Variants in NBEA observed in about 807,000 individuals in gnomAD.
The protein encoded by NBEA is neurobeachin.
Under a neutral mutation model 343.4 loss-of-function variants are expected in NBEA, and 44 were observed. That is an observed-to-expected ratio of 0.13 (90% CI 0.10 to 0.16). The LOEUF (loss-of-function observed/expected upper bound fraction) is 0.16. NBEA is among the 10% of genes least tolerant of loss of function. NBEA has a pLI of 1.00. For synonymous variants in NBEA, 1,175 were observed against 1,238.7 expected (o/e 0.95, Z 1.08); for missense variants, 2,555 against 3,631.3 (o/e 0.70, Z 7.62).
chr13:35,319,895 C>A (rs1057206553), intron 36 of NBEA, among the ~76,000 whole-genome samples: 7 of 151,480 alleles, frequency 4.6e-5, no homozygotes, highest in Non-Finnish European at 1.0e-4. Context: ...TCTGTTTTAT[C>A]AGGGACTACG....
At chr13:35,182,186 A>G (rs1420919701) in intron 28 of NBEA, among the ~76,000 whole-genome samples, 174 bp from the exon 29 acceptor site, 2 of 151,176 alleles carry the variant, frequency 1.3e-5, no homozygotes, top group Non-Finnish European at 3.0e-5. Context: ...TAGGAGTTTT[A>G]TATTTATAGT....
chr13:34,952,247 C>A (rs1335554598), intron 1 of NBEA, among the ~76,000 whole-genome samples: 1 of 152,162 alleles, frequency 6.6e-6, no homozygotes, highest in Non-Finnish European at 1.5e-5. Context: ...ACCAGCCAGC[C>A]TCAGTGAGTT....
At chr13:35,522,459 A>T (rs1238098826) in intron 41 of NBEA, among the ~76,000 whole-genome samples, 2 of 141,098 alleles carry the variant, frequency 1.4e-5, no homozygotes, top group African/African-American at 5.3e-5. Context: ...TGGGCAACAA[A>T]GCAAGATACC....
chr13:35,361,084 G>T (rs141034641), intron 38 of NBEA, among the ~76,000 whole-genome samples: 282 of 151,700 alleles, frequency 1.9e-3, no homozygotes, highest in African/African-American at 6.1e-3. Context: ...TGAAAACCAA[G>T]GTAAAGAAAA....
intron 1 of NBEA, among the ~76,000 whole-genome samples, chr13:34,971,272 T>C (rs1194530420): frequency 2.0e-5 from 3 of 152,172 alleles, no homozygotes; most frequent in African/African-American, 7.2e-5. Flanking sequence ...AAGAAGCTTT[T>C]GGGCTAAGAT....
intron 39 of NBEA, among the ~76,000 whole-genome samples, chr13:35,447,767 T>C (rs532586640): frequency 6.3e-4 from 96 of 152,316 alleles, no homozygotes; most frequent in Non-Finnish European, 1.2e-3. Context: ...GTTAATTTCT[T>C]GATGAATGGC....
At chr13:35,304,930 G>T (rs927474702) in intron 35 of NBEA, among the ~76,000 whole-genome samples, 4 of 151,636 alleles carry the variant, frequency 2.6e-5, no homozygotes, top group Non-Finnish European at 4.4e-5. Context: ...AATGTTCTTG[G>T]TTTTTCAATT....
chr13:35,401,905 T>C (rs2043019535), intron 38 of NBEA, among the ~76,000 whole-genome samples: 1 of 151,984 alleles, frequency 6.6e-6, no homozygotes, highest in Non-Finnish European at 1.5e-5. Context: ...CTCCTTTATG[T>C]GAAAGAGGAA....
intron 48 of NBEA, among the ~76,000 whole-genome samples, chr13:35,609,484 TG>T (rs1449199484): frequency 6.6e-6 from 1 of 152,292 alleles, no homozygotes; most frequent in Middle Eastern, 3.4e-3. Flanking sequence ...TTTTAAAAAT[TG>T]GGGAAGTGGG....
intron 46 of NBEA, among the ~76,000 whole-genome samples, chr13:35,587,368 A>T (rs1209522474): frequency 2.6e-5 from 4 of 152,126 alleles, no homozygotes; most frequent in Non-Finnish European, 4.4e-5. Context: ...TTAGCAAAGG[A>T]AATTTTTGGA....
intron 36 of NBEA, among the ~76,000 whole-genome samples, chr13:35,324,565 T>TA (rs1164054009): frequency 1.3e-5 from 2 of 152,186 alleles, no homozygotes; most frequent in African/African-American, 4.8e-5. Flanking sequence ...CAATGTATCT[T>TA]AAAAAACAAA....
chr13:35,308,205 G>A (rs916738562), intron 35 of NBEA, among the ~76,000 whole-genome samples: 54 of 151,366 alleles, frequency 3.6e-4, no homozygotes, highest in African/African-American at 1.2e-3. Context: ...AGAATGAAGG[G>A]TTGATACAGA....
intron 57 of NBEA, 94 bp from the exon 58 acceptor site, chr13:35,668,274 C>T (rs1042724777): frequency 1.6e-6 from 2 of 1,246,242 alleles, no homozygotes; most frequent in Middle Eastern, 2.7e-4. Flanking sequence ...TCAGTAGTGA[C>T]AGTTGGCTAT....
intron 10 of NBEA, among the ~76,000 whole-genome samples, chr13:35,096,328 A>G (rs2065328911): frequency 1.3e-5 from 2 of 151,572 alleles, no homozygotes; most frequent in Non-Finnish European, 3.0e-5. Flanking sequence ...AAGTGAAATT[A>G]ACACTTTATG....
intron 10 of NBEA, among the ~76,000 whole-genome samples, chr13:35,091,284 C>G (rs1194047361): frequency 6.6e-6 from 1 of 151,850 alleles, no homozygotes; most frequent in Non-Finnish European, 1.5e-5. Flanking sequence ...AAAGCCCCAG[C>G]GTTTTGACAG....
At chr13:35,092,992 C>G (rs998365112) in intron 10 of NBEA, among the ~76,000 whole-genome samples, 2 of 151,984 alleles carry the variant, frequency 1.3e-5, no homozygotes, top group Admixed American at 6.6e-5. Flanking sequence ...TCCATTAATA[C>G]TCATCAACTA....
At chr13:35,506,056 AATTT>A (rs1353616230) in intron 41 of NBEA, among the ~76,000 whole-genome samples, 4 of 151,888 alleles carry the variant, frequency 2.6e-5, no homozygotes, top group African/African-American at 9.7e-5. Context: ...TCATCTATTA[AATTT>A]ATTTATTTAT....
intron 30 of NBEA, among the ~76,000 whole-genome samples, chr13:35,187,855 C>T (rs1027570815): frequency 6.6e-6 from 1 of 152,140 alleles, no homozygotes; most frequent in Admixed American, 6.6e-5. Context: ...ATGAAACCAT[C>T]AGACTACCTT....
chr13:35,652,690 T>TC (rs1399825786), intron 53 of NBEA, among the ~76,000 whole-genome samples: 44 of 78,300 alleles, frequency 5.6e-4, no homozygotes, highest in African/African-American at 1.5e-3. Context: ...CTGGCAGTCT[T>TC]TTTTTTTTTT....
Sources: gnomAD v4.1 joint callset for allele counts (sites outside exome capture counted in the v4.1 genomes callset) on GRCh38, gnomAD v4.1.1 for gene constraint, MANE v1.5 for transcripts, NCBI Gene and HGNC (gene_info 2026-07-23, HGNC 2026-07-21) for gene names.